The following OPCML variants were observed in gnomAD, a reference collection of about 807,000 sequenced individuals.
OPCML encodes opioid-binding protein/cell adhesion molecule.
OPCML carries 13 observed loss-of-function variants against 37.8 expected under a neutral mutation model. The observed-to-expected ratio is 0.34, with a 90% confidence interval of 0.22 to 0.55. The LOEUF is 0.55. OPCML is among the 20% of genes least tolerant of loss of function. The pLI, the probability that OPCML is intolerant of heterozygous loss-of-function variation, is 0.91. For synonymous variants in OPCML, 176 were observed against 168.8 expected, an observed-to-expected ratio of 1.04 and a Z score of -0.33; for missense variants, 341 against 435.6, an observed-to-expected ratio of 0.78 and a Z score of 1.93.
At chr11:133,332,686 A>C (rs1428074382) in intron 1 of OPCML, among the ~76,000 whole-genome samples, 1 of 152,122 alleles carries the variant, frequency 6.6e-6, no homozygotes, top group Non-Finnish European at 1.5e-5. Context: ...AATGGGAAAA[A>C]GCCTTTTATG....
At chr11:132,511,660 G>A (rs186201999) in intron 4 of OPCML, among the ~76,000 whole-genome samples, 1 of 152,042 alleles carries the variant, frequency 6.6e-6, no homozygotes, top group Admixed American at 6.5e-5. Context: ...AAAGGATTAT[G>A]TTTTCCACAG....
chr11:132,926,798 G>A (rs558370909), intron 2 of OPCML, among the ~76,000 whole-genome samples: 8 of 151,854 alleles, frequency 5.3e-5, no homozygotes, highest in South Asian at 2.1e-4. Flanking sequence ...TATGCTCAGA[G>A]AGCTAAAGAA....
At chr11:132,834,180 A>G (rs1198880841) in intron 2 of OPCML, among the ~76,000 whole-genome samples, 1 of 152,208 alleles carries the variant, frequency 6.6e-6, no homozygotes, top group Non-Finnish European at 1.5e-5. Flanking sequence ...GCAAAGGAAG[A>G]GAATTACCTA....
intron 1 of OPCML, chr11:133,439,397 C>G: frequency 1.0e-6 from 1 of 985,006 alleles, no homozygotes; most frequent in Non-Finnish European, 1.2e-6. Context: ...AAAATTCCGT[C>G]TGTTTCAGGG....
Position 133,037,332 on chromosome 11 carries a change from A to G in OPCML, c.62-94322T>C, listed in dbSNP as rs148481615. The stretch of plus-strand genomic sequence containing the variant: ...TTCAATTTAAGAAAAAAAGTACTCA[A>G]AACTTTCTTTATCTTGCATGGTACT... On this transcript the variant is annotated intron_variant, in intron 1 of 7. Coordinates refer to ENST00000524381, the MANE Select transcript of OPCML (RefSeq NM_001012393.5). Among the ~76,000 whole-genome samples the G allele has an allele frequency of 1.9e-3, 287 of 152,330 alleles. 1 individual carries two copies. The highest frequency in any genetic ancestry group is 6.6e-3 in the African/African-American group (274 of 41,576).
chr11:133,239,915 T>C (rs1940661358), intron 1 of OPCML, among the ~76,000 whole-genome samples: 1 of 152,058 alleles, frequency 6.6e-6, no homozygotes, highest in South Asian at 2.1e-4. Flanking sequence ...TCATTTCAGA[T>C]TGGATAAGTT....
intron 1 of OPCML, among the ~76,000 whole-genome samples, chr11:133,158,444 G>A (rs922900608): frequency 1.3e-5 from 2 of 152,174 alleles, no homozygotes; most frequent in Non-Finnish European, 2.9e-5. Context: ...GCTCACGCCT[G>A]TAATACCAGC....
chr11:132,549,552 T>C (rs1439403067), intron 3 of OPCML, among the ~76,000 whole-genome samples: 1 of 152,196 alleles, frequency 6.6e-6, no homozygotes, highest in Non-Finnish European at 1.5e-5. Context: ...AGCGAGGGTA[T>C]GGGAGTCCTT....
At chr11:133,449,176 G>A (rs547636068) in intron 1 of OPCML, among the ~76,000 whole-genome samples, 1 of 152,310 alleles carries the variant, frequency 6.6e-6, no homozygotes, top group African/African-American at 2.4e-5. Context: ...GATCATAGAA[G>A]ATGTACCTCT....
Position 133,307,585 on chromosome 11 carries a change from G to T in OPCML, c.61+224679C>A, listed in dbSNP as rs192290685. 2.6e-5 allele frequency among the ~76,000 whole-genome samples: 4 copies of T among 152,204 alleles called. No homozygotes were observed. The East Asian group carries it at 7.8e-4, about 30-fold the overall frequency. ...CACACTGTTATCCTTCCTGACTCAG[G>T]TCAAACATCAGCTGTTCTGACCCTC... is the stretch of plus-strand genomic sequence containing the variant. On this transcript the variant is annotated intron_variant, in intron 1 of 7. Transcript: ENST00000524381.
At chr11:133,389,634 C>T (rs973547332) in intron 1 of OPCML, among the ~76,000 whole-genome samples, 1 of 152,080 alleles carries the variant, frequency 6.6e-6, no homozygotes, top group Non-Finnish European at 1.5e-5. Context: ...TCTTATTGCA[C>T]TGAAGATAGA....
chr11:133,492,794 C>T (rs1383676460), intron 1 of OPCML, among the ~76,000 whole-genome samples: 3 of 151,774 alleles, frequency 2.0e-5, no homozygotes, highest in African/African-American at 7.3e-5. Context: ...CACTTAGTGG[C>T]TAATGGAAAC....
intron 1 of OPCML, among the ~76,000 whole-genome samples, chr11:133,530,535 C>G (rs1948584103): frequency 6.6e-6 from 1 of 152,216 alleles, no homozygotes; most frequent in African/African-American, 2.4e-5. Context: ...TCTCCTGCCA[C>G]GGACCCAGTG....
In OPCML at chr11:133,206,918, G is replaced by C. The variant is rs1217646205; in HGVS notation, c.62-263908C>G. ...CTGGGATCACCAATGACTGAGAAGCGAGGCCCGGATCACGTAATCCAGATG... is the reference window on the plus strand; with the variant it reads ...CTGGGATCACCAATGACTGAGAAGCCAGGCCCGGATCACGTAATCCAGATG... On this transcript the variant is annotated intron_variant, in intron 1 of 7. Coordinates refer to ENST00000524381, the MANE Select transcript of OPCML (RefSeq NM_001012393.5). This position sits in a 1 kb window ranked among gnomAD's most constrained non-coding sequence, Gnocchi z 4.7. Among the ~76,000 whole-genome samples the C allele has an allele frequency of 6.6e-6, 1 of 152,110 alleles. No individual in the cohort carries two copies. The highest frequency in any genetic ancestry group is 1.5e-5 in the Non-Finnish European group (1 of 68,028).
At chr11:133,172,023 C>T (rs1480975562) in intron 1 of OPCML, among the ~76,000 whole-genome samples, 1 of 152,218 alleles carries the variant, frequency 6.6e-6, no homozygotes, top group Non-Finnish European at 1.5e-5. Context: ...ATAGCAGAAG[C>T]TCCCTGTATG....
intron 4 of OPCML, among the ~76,000 whole-genome samples, chr11:132,511,123 G>T (rs2096267876): frequency 6.6e-6 from 1 of 152,096 alleles, no homozygotes; most frequent in South Asian, 2.1e-4. Flanking sequence ...AGCTGTCACA[G>T]TAGGCAAGGT....
intron 1 of OPCML, among the ~76,000 whole-genome samples, chr11:133,114,162 T>C (rs1949296886): frequency 6.6e-6 from 1 of 152,112 alleles, no homozygotes; most frequent in South Asian, 2.1e-4. Context: ...CCTGAACCAG[T>C]TCTGCCCAAA....
At chr11:132,549,656 C>T (rs966064461) in intron 3 of OPCML, among the ~76,000 whole-genome samples, 2 of 152,178 alleles carry the variant, frequency 1.3e-5, no homozygotes, top group African/African-American at 4.8e-5. Flanking sequence ...GACAAGCAAG[C>T]TGGGAGCTTG....
chr11:133,421,465 A>G, intron 1 of OPCML: 2 of 985,402 alleles, frequency 2.0e-6, no homozygotes, highest in South Asian at 9.4e-5. Context: ...AAAAAACGGA[A>G]ATTATCATTT....
Sources: gnomAD v4.1 joint callset for allele counts (sites outside exome capture counted in the v4.1 genomes callset) on GRCh38, gnomAD v4.1.1 for gene constraint, Gnocchi (gnomAD v3.1) non-coding constraint, MANE v1.5 for transcripts, NCBI Gene and HGNC (gene_info 2026-07-23, HGNC 2026-07-21) for gene names.